Variants in MYO9B observed in about 807,000 individuals in gnomAD.
MYO9B encodes the protein myosin IXB, also known as unconventional myosin-IXb.
MYO9B carries 71 observed loss-of-function variants against 229.5 expected under a neutral mutation model. The observed-to-expected ratio is 0.31, with a 90% confidence interval of 0.26 to 0.38. The LOEUF (loss-of-function observed/expected upper bound fraction) is 0.38, where lower values mean the gene tolerates loss of function less well. Ranked by LOEUF, MYO9B falls within the 10% of genes least tolerant of loss-of-function variation. MYO9B has a pLI of 1.00. For missense variants in MYO9B, 2,255 were observed against 2,920.5 expected (o/e 0.77, Z 5.25); for synonymous variants, 1,185 against 1,235.8 (o/e 0.96, Z 0.86).
At chr19:17,204,741 G>A (rs2073141588) in intron 30 of MYO9B, among the ~76,000 whole-genome samples, 1 of 152,090 alleles carries the variant, frequency 6.6e-6, no homozygotes, top group Non-Finnish European at 1.5e-5. Context: ...CAGCTACTTG[G>A]GAGGATCACC....
chr19:17,180,741 G>C, intron 14 of MYO9B, 186 bp from the exon 15 acceptor site: 1 of 548,208 alleles, frequency 1.8e-6, no homozygotes, highest in Non-Finnish European at 3.2e-6. Flanking sequence ...GGGGAGGCTG[G>C]CCCAGTCCCC....
chr19:17,175,732 A>G lies in MYO9B; in HGVS notation c.2210A>G (p.Lys737Arg), dbSNP rs763537742. The change falls in exon 14 of 40, where the codon AAA becomes AGA. Residue 737 changes from lysine (K) to arginine (R), a missense_variant. Physicochemically the swap from Lys to Arg is conservative, Grantham distance 26. This residue lies in a region of MYO9B where 155 missense variants were observed against 159.1 expected (regional missense o/e 0.97). Coordinates refer to ENST00000682292, the MANE Select transcript of MYO9B (RefSeq NM_004145.4). ...LPRGASTPSEKLYRDLHNQMI... is the reference protein window; with the variant it reads ...LPRGASTPSERLYRDLHNQMI... ...AGAGGAGCCAGCACCCCTTCGGAAAAACTTTACCGGTGAGCAAGACCCTGA... is the reference window on the plus strand; with the variant it reads ...AGAGGAGCCAGCACCCCTTCGGAAAGACTTTACCGGTGAGCAAGACCCTGA... The G allele has an allele frequency of 2.4e-5, 38 of 1,573,472 alleles. No individual in the cohort carries two copies. The highest frequency in any genetic ancestry group is 2.8e-5 in the Non-Finnish European group (33 of 1,159,488).
rs781135270 is a variant in MYO9B, at chr19:17,194,926, C to G, written c.3499C>G (p.Gln1167Glu). 1 of 1,613,474 alleles carries G rather than the reference C, an allele frequency of 6.2e-7. No individual in the cohort carries two copies. Among genetic ancestry groups the G allele is most frequent in the Non-Finnish European group, 8.5e-7 (1 of 1,179,878 alleles). The stretch of plus-strand genomic sequence containing the variant: ...CGTCAAGTTCCAGAACAAACACATC[C>G]AGTCCTGCAAGGAGGAGAGTGCCCT... ...EHVKFQNKHI[Q>E]SCKEESALRE... is the part of the protein sequence containing the mutation. The change falls in exon 22 of 40, where the codon CAG becomes GAG. Residue 1167 changes from glutamine (Q) to glutamate (E), a missense_variant. Coordinates refer to ENST00000682292, the MANE Select transcript of MYO9B (RefSeq NM_004145.4).
At chr19:17,144,203 G>A (rs1256210356) in intron 2 of MYO9B, among the ~76,000 whole-genome samples, 9 of 151,892 alleles carry the variant, frequency 5.9e-5, no homozygotes, top group Admixed American at 1.3e-4. Flanking sequence ...GCAACAGAGC[G>A]AGACCCCATC....
intron 13 of MYO9B, among the ~76,000 whole-genome samples, chr19:17,173,319 C>G (rs2072746869): frequency 8.5e-6 from 1 of 117,162 alleles, no homozygotes; most frequent in South Asian, 2.8e-4. Context: ...TTTTTAGAGA[C>G]AGGGTCTCTC....
At position 17,172,268 on chromosome 19, in the gene MYO9B, A is replaced by G. The variant is rs2072733125; in HGVS notation, c.1794-68A>G. ...CCACCTCGTGCACCAGGGGTCTGCA[A>G]GATAAAATACACAGCAGGTAAATCA... On this transcript the variant is annotated intron_variant, in intron 11 of 39. Coordinates refer to ENST00000682292, the MANE Select transcript of MYO9B (RefSeq NM_004145.4). The surrounding 1 kb of genome is among the most constrained non-coding windows in gnomAD (Gnocchi z 8.2). The G allele has an allele frequency of 1.9e-6, 3 of 1,591,146 alleles. No homozygotes were observed. The Admixed American group carries it at 5.1e-5, about 27-fold the overall frequency.
chr19:17,102,256 G>A lies in MYO9B; in HGVS notation c.539G>A (p.Gly180Glu). 1 of 1,614,012 alleles carries A rather than the reference G, an allele frequency of 6.2e-7. No individual in the cohort carries two copies. Among genetic ancestry groups the A allele is most frequent in the Non-Finnish European group, 8.5e-7 (1 of 1,179,878 alleles). The change falls in exon 2 of 40, where the codon GGG becomes GAG. Residue 180 changes from glycine to glutamate, a missense_variant. Around this residue, in one of 7 missense-constraint regions of MYO9B, gnomAD observed 386 missense variants for 515.2 expected, o/e 0.75. Transcript: ENST00000682292. ...FLQQKIYTYA[G>E]SILVAINPFK... is the part of the protein sequence containing the mutation. ...CAACAAAAGATCTACACGTACGCGG[G>A]GAGCATCCTGGTGGCCATCAACCCC...
Position 17,212,715 on chromosome 19 carries a change from A to C in MYO9B, c.*405A>C. 6.0e-6 allele frequency: 1 copy of C among 166,290 alleles called. No homozygotes were observed. Among genetic ancestry groups the C allele is most frequent in the Non-Finnish European group, 1.3e-5 (1 of 77,522 alleles). 10.3% of individuals were successfully genotyped at this position (166,290 alleles called of 1,614,324 possible). A position where few individuals can be genotyped will look rare whatever the true frequency, so the allele number is the denominator to read the frequency against. On this transcript the variant is annotated 3_prime_UTR_variant, in exon 40 of 40. Transcript: ENST00000682292. This position sits in a 1 kb window ranked among gnomAD's most constrained non-coding sequence, Gnocchi z 5.4. ...ATTAACGCTGCCCGTCTCCCTTATA[A>C]CCTGGACGTGAGCTGTCAGAGCAGA...
At chr19:17,159,309 C>T in intron 7 of MYO9B, 86 bp from the exon 8 acceptor site, 1 of 1,283,942 alleles carries the variant, frequency 7.8e-7, no homozygotes, top group Non-Finnish European at 1.1e-6. Context: ...GCCTCAGGCT[C>T]CGGGCGTTGC....
At chr19:17,152,033 CAAAA>C in intron 3 of MYO9B, among the ~76,000 whole-genome samples, 1 of 151,996 alleles carries the variant, frequency 6.6e-6, no homozygotes, top group South Asian at 2.1e-4. Context: ...ACTAAAAATA[CAAAA>C]TTAGCCAGGC....
rs2072394922 is a variant in MYO9B, at chr19:17,145,269, G to A, written c.841-128G>A. On this transcript the variant is annotated intron_variant, in intron 2 of 39. Coordinates refer to ENST00000682292, the MANE Select transcript of MYO9B (RefSeq NM_004145.4). Reference sequence around the variant, plus strand: ...CCAGCCCAGGTGACAGAACAAGACTGTCTCCAAGAGAAAAAATAGATAAAT... The same window carrying A: ...CCAGCCCAGGTGACAGAACAAGACTATCTCCAAGAGAAAAAATAGATAAAT... 6 of 895,196 alleles carry A rather than the reference G, an allele frequency of 6.7e-6. No individual in the cohort carries two copies. The Admixed American group carries it at 1.1e-4, about 16-fold the overall frequency. 55.5% of individuals were successfully genotyped at this position (895,196 alleles called of 1,614,324 possible).
At chr19:17,203,294 A>G (rs1234848946) in intron 30 of MYO9B, 36 bp downstream of exon 30, 1 of 1,467,038 alleles carries the variant, frequency 6.8e-7, no homozygotes, top group South Asian at 1.2e-5. Context: ...AAAACCCTCC[A>G]TGTCCCCCAC....
chr19:17,158,487 C>T (rs935981019), intron 7 of MYO9B, among the ~76,000 whole-genome samples: 4 of 151,572 alleles, frequency 2.6e-5, no homozygotes, highest in Admixed American at 6.6e-5. Context: ...CCCAGCTATT[C>T]GGGAGGCTGA....
At chr19:17,137,783 G>T (rs1049365208) in intron 2 of MYO9B, among the ~76,000 whole-genome samples, 1 of 151,690 alleles carries the variant, frequency 6.6e-6, no homozygotes, top group African/African-American at 2.4e-5. Context: ...TCGCTCTGTC[G>T]CCGAGGCTGG....
intron 7 of MYO9B, 102 bp downstream of exon 7, chr19:17,157,140 T>C: frequency 7.1e-7 from 1 of 1,408,940 alleles, no homozygotes; most frequent in Non-Finnish European, 9.5e-7. Context: ...TCAGCTGAGG[T>C]TTCATCAACC....
At chr19:17,188,695 T>C (rs1010907162) in intron 19 of MYO9B, among the ~76,000 whole-genome samples, 7 of 152,102 alleles carry the variant, frequency 4.6e-5, no homozygotes, top group African/African-American at 1.7e-4. Context: ...GGCCCTTAAA[T>C]ATTTGAAATA....
At chr19:17,079,095 C>G (rs1335297592) in intron 1 of MYO9B, among the ~76,000 whole-genome samples, 1 of 152,190 alleles carries the variant, frequency 6.6e-6, no homozygotes, top group East Asian at 1.9e-4. Context: ...GAAAATGACT[C>G]CAGCCATGGC....
intron 2 of MYO9B, among the ~76,000 whole-genome samples, chr19:17,129,606 G>A (rs1364770069): frequency 1.3e-5 from 2 of 152,190 alleles, no homozygotes; most frequent in African/African-American, 2.4e-5. Flanking sequence ...TCTTGGACTT[G>A]AGGGAGGGCG....
chr19:17,153,359 G>GGCTAGAGTCCTTGCATGCA (rs2072500924), intron 4 of MYO9B, among the ~76,000 whole-genome samples: 1 of 146,078 alleles, frequency 6.8e-6, no homozygotes, highest in Non-Finnish European at 1.5e-5. Context: ...GCACCACCAC[G>GGCTAGAGTCCTTGCATGCA]CCCGGCTAGA....
Sources: allele counts gnomAD v4.1 joint callset (sites outside exome capture counted in the v4.1 genomes callset), GRCh38; gene constraint gnomAD v4.1.1; regional missense constraint gnomAD v4.1.1; non-coding constraint Gnocchi (gnomAD v3.1); transcripts MANE v1.5; gene names NCBI Gene and HGNC (gene_info 2026-07-23, HGNC 2026-07-21).